Variants in PTPRT observed in about 807,000 individuals in gnomAD.
PTPRT encodes receptor-type tyrosine-protein phosphatase T.
A neutral mutation model predicts 176.8 loss-of-function variants in PTPRT; 56 were observed. The ratio of observed to expected loss-of-function variants is 0.32; its 90% CI spans 0.26 to 0.40. The LOEUF (loss-of-function observed/expected upper bound fraction) is 0.40, where lower values mean the gene tolerates loss of function less well. Among genes scored for constraint, PTPRT ranks in the 10% least tolerant of loss-of-function variants. PTPRT has a pLI of 1.00. For synonymous variants in PTPRT, 783 were observed against 739.0 expected, an observed-to-expected ratio of 1.06 and a Z score of -0.96; for missense variants, 1,540 against 1,908.2, an observed-to-expected ratio of 0.81 and a Z score of 3.60.
intron 2 of PTPRT, among the ~76,000 whole-genome samples, chr20:42,835,085 T>G (rs1292320064): frequency 6.6e-6 from 1 of 151,692 alleles, no homozygotes; most frequent in South Asian, 2.1e-4. Flanking sequence ...AGGAGAGAGG[T>G]AGCAGGAAAT....
At chr20:42,263,443 T>C (rs1267932386) in intron 13 of PTPRT, among the ~76,000 whole-genome samples, 1 of 137,856 alleles carries the variant, frequency 7.3e-6, no homozygotes, top group Non-Finnish European at 1.5e-5. Flanking sequence ...TGCAGTGGCA[T>C]GATCTCGGCT....
intron 14 of PTPRT, among the ~76,000 whole-genome samples, chr20:42,244,288 A>C (rs1015754026): frequency 1.3e-5 from 2 of 152,220 alleles, no homozygotes; most frequent in African/African-American, 2.4e-5. Context: ...TTGATGTATA[A>C]CCAGAGATGC....
chr20:43,049,826 G>A (rs569153758), intron 1 of PTPRT, among the ~76,000 whole-genome samples: 30 of 152,328 alleles, frequency 2.0e-4, no homozygotes, highest in African/African-American at 6.5e-4. Flanking sequence ...AAATGAGATA[G>A]GAGCTAGAAG....
chr20:42,473,547 T>C (rs1451195663), intron 7 of PTPRT, among the ~76,000 whole-genome samples: 1 of 152,056 alleles, frequency 6.6e-6, no homozygotes, highest in Non-Finnish European at 1.5e-5. Context: ...ACAATCAGAG[T>C]TCATCCCAGC....
chr20:42,724,991 G>A (rs769048278), intron 6 of PTPRT, among the ~76,000 whole-genome samples: 1 of 149,702 alleles, frequency 6.7e-6, no homozygotes, highest in Non-Finnish European at 1.5e-5. Flanking sequence ...ATTCTTGACA[G>A]CAGGATGTGG....
At chr20:42,900,758 C>T (rs1022067827) in intron 1 of PTPRT, among the ~76,000 whole-genome samples, 3 of 152,074 alleles carry the variant, frequency 2.0e-5, no homozygotes, top group Non-Finnish European at 4.4e-5. Flanking sequence ...GGAACATGTC[C>T]GGGGTCCAGG....
intron 7 of PTPRT, among the ~76,000 whole-genome samples, chr20:42,512,850 G>GT (rs1216417562): frequency 3.3e-5 from 5 of 151,838 alleles, no homozygotes; most frequent in Non-Finnish European, 7.4e-5. Context: ...GATGTTTTTT[G>GT]TTTTTTGTTG....
At chr20:42,412,689 A>G (rs1302084026) in intron 9 of PTPRT, among the ~76,000 whole-genome samples, 1 of 152,230 alleles carries the variant, frequency 6.6e-6, no homozygotes, top group African/African-American at 2.4e-5. Flanking sequence ...TGATATATTC[A>G]TACAATCAAA....
At chr20:42,322,558 T>C (rs895011370) in intron 11 of PTPRT, among the ~76,000 whole-genome samples, 2 of 136,992 alleles carry the variant, frequency 1.5e-5, no homozygotes, top group Admixed American at 7.0e-5. Context: ...GCTAGCCATA[T>C]GTAGAAAGCT....
chr20:42,486,032 C>A (rs752577711), intron 7 of PTPRT, among the ~76,000 whole-genome samples: 92 of 152,214 alleles, frequency 6.0e-4, no homozygotes, highest in Non-Finnish European at 1.1e-3. Context: ...CACAGTACAA[C>A]AGTAGCTAGA....
At chr20:43,082,901 A>G (rs2011478169) in intron 1 of PTPRT, among the ~76,000 whole-genome samples, 1 of 152,072 alleles carries the variant, frequency 6.6e-6, no homozygotes, top group South Asian at 2.1e-4. Context: ...CCCCTCACTC[A>G]TCATGATGGC....
chr20:42,955,549 G>A (rs533316418), intron 1 of PTPRT, among the ~76,000 whole-genome samples: 1 of 152,228 alleles, frequency 6.6e-6, no homozygotes, highest in East Asian at 1.9e-4. Context: ...TAATTAGTAT[G>A]ATTATTAACA....
At chr20:42,503,935 AC>A (rs1246864099) in intron 7 of PTPRT, among the ~76,000 whole-genome samples, 3 of 152,084 alleles carry the variant, frequency 2.0e-5, no homozygotes, top group South Asian at 2.1e-4. Flanking sequence ...CATTCAGGTC[AC>A]CTTATGAGGG....
intron 1 of PTPRT, among the ~76,000 whole-genome samples, chr20:42,974,462 AGTG>A (rs1171094070): frequency 6.6e-5 from 10 of 152,044 alleles, no homozygotes; most frequent in Non-Finnish European, 1.5e-4. Flanking sequence ...ATCATACCTC[AGTG>A]CACGCGCGCA....
intron 18 of PTPRT, among the ~76,000 whole-genome samples, chr20:42,134,907 C>G (rs1988301716): frequency 6.6e-6 from 1 of 152,222 alleles, no homozygotes; most frequent in Non-Finnish European, 1.5e-5. Context: ...GCTTCACATA[C>G]TGCTCTGATA....
chr20:42,775,648 T>C (rs1276091286), intron 4 of PTPRT, among the ~76,000 whole-genome samples: 1 of 152,196 alleles, frequency 6.6e-6, no homozygotes, highest in Admixed American at 6.5e-5. Flanking sequence ...TGCCTGTCTT[T>C]TGGTTACTGT....
At chr20:42,230,347 A>C (rs561158078) in intron 15 of PTPRT, among the ~76,000 whole-genome samples, 1 of 152,282 alleles carries the variant, frequency 6.6e-6, no homozygotes, top group African/African-American at 2.4e-5. Flanking sequence ...ATTGGTAAAC[A>C]CCTTCGCGCT....
intron 1 of PTPRT, among the ~76,000 whole-genome samples, chr20:43,118,685 G>A (rs920356559): frequency 1.7e-4 from 26 of 152,080 alleles, no homozygotes; most frequent in African/African-American, 2.4e-4. Flanking sequence ...TGATCCACCC[G>A]CCTCAACCTC....
chr20:42,191,531 A>G (rs968407206), intron 16 of PTPRT, among the ~76,000 whole-genome samples: 6 of 152,156 alleles, frequency 3.9e-5, no homozygotes, highest in African/African-American at 1.4e-4. Context: ...GTCAAAAGAG[A>G]TTTTGAGCAG....
Sources: gnomAD v4.1 joint callset for allele counts (sites outside exome capture counted in the v4.1 genomes callset) on GRCh38, gnomAD v4.1.1 for gene constraint, MANE v1.5 for transcripts, NCBI Gene and HGNC (gene_info 2026-07-23, HGNC 2026-07-21) for gene names.